The following PAFAH1B1 variants were observed in gnomAD, a reference collection of about 807,000 sequenced individuals.
PAFAH1B1 encodes the protein platelet activating factor acetylhydrolase 1b regulatory subunit 1, also known as platelet-activating factor acetylhydrolase IB subunit beta.
PAFAH1B1 carries 2 observed loss-of-function variants against 57.5 expected under a neutral mutation model. The observed-to-expected ratio is 0.03, with a 90% CI of 0.01 to 0.11. The LOEUF (loss-of-function observed/expected upper bound fraction) is 0.11. Ranked by LOEUF, PAFAH1B1 falls within the 10% of genes least tolerant of loss-of-function variation. The pLI, the probability that PAFAH1B1 is intolerant of heterozygous loss-of-function variation, is 1.00. For missense variants in PAFAH1B1, 257 were observed against 512.0 expected (o/e 0.50, Z 4.81); for synonymous variants, 152 against 169.6 (o/e 0.90, Z 0.81).
At chr17:2,651,140 T>G (rs983152533) in intron 2 of PAFAH1B1, among the ~76,000 whole-genome samples, 4 of 152,324 alleles carry the variant, frequency 2.6e-5, no homozygotes, top group Admixed American at 6.5e-5. Flanking sequence ...TGAGTCATTA[T>G]CCACATGCCG....
At chr17:2,662,378 T>TTGTGTGTG (rs57918293) in intron 2 of PAFAH1B1, among the ~76,000 whole-genome samples, 2,857 of 123,706 alleles carry the variant, frequency 0.023, 50 homozygotes, top group East Asian at 0.07. Context: ...TTTAACCTCT[T>TTGTGTGTG]TGTGTGTGTG....
At chr17:2,679,527 TGG>T (rs2069339763) in intron 9 of PAFAH1B1, among the ~76,000 whole-genome samples, 4 of 126,298 alleles carry the variant, frequency 3.2e-5, no homozygotes, top group African/African-American at 1.1e-4. Flanking sequence ...GATGGATGAT[TGG>T]ATGGATGGAT....
intron 4 of PAFAH1B1, 127 bp downstream of exon 4, chr17:2,666,217 G>A (rs1481274708): frequency 9.5e-6 from 9 of 949,278 alleles, no homozygotes; most frequent in Admixed American, 3.1e-5. Context: ...TACATTTTTT[G>A]TGCTTCATGA....
At chr17:2,656,853 C>T (rs1004743458) in intron 2 of PAFAH1B1, among the ~76,000 whole-genome samples, 1 of 138,522 alleles carries the variant, frequency 7.2e-6, no homozygotes, top group African/African-American at 2.5e-5. Flanking sequence ...CTTTTTCTTG[C>T]CTTGAATGTC....
Position 2,613,580 on chromosome 17 carries a change from G to A in PAFAH1B1, c.-191+19574G>A. On this transcript the variant is annotated intron_variant, in intron 1 of 10. Coordinates refer to ENST00000397195, the MANE Select transcript of PAFAH1B1 (RefSeq NM_000430.4). ...CAGCTTCAACCCCGTGGTGGTCAGC[G>A]GGTGCTCCCCCGTCAGCAGTGGCAG... 6 of 281,020 alleles carry A rather than the reference G, an allele frequency of 2.1e-5. 1 individual carries two copies. The highest frequency in any genetic ancestry group is 1.4e-4 in the Admixed American group (3 of 21,588). The allele number at this position is 281,020 out of a possible 1,614,324, so 17.4% of individuals were successfully genotyped here. A position where few individuals can be genotyped will look rare whatever the true frequency, so the allele number is the denominator to read the frequency against.
intron 2 of PAFAH1B1, among the ~76,000 whole-genome samples, chr17:2,661,286 T>G (rs2069009938): frequency 6.6e-6 from 1 of 152,204 alleles, no homozygotes; most frequent in Non-Finnish European, 1.5e-5. Flanking sequence ...AGGATTTTTA[T>G]GGTTTTGGGT....
intron 2 of PAFAH1B1, among the ~76,000 whole-genome samples, chr17:2,649,071 G>A (rs965035857): frequency 7.2e-5 from 11 of 151,808 alleles, no homozygotes; most frequent in Non-Finnish European, 4.4e-5. Flanking sequence ...AGGGCCAGGT[G>A]GGGGTGGCTC....
rs183914957 is a variant in PAFAH1B1, at chr17:2,625,420, T to C, written c.-190-12679T>C. Reference sequence around the variant, plus strand: ...CCCCCTTAAAATACATGCAATATTTTGTTTATTTTCATATGTGCTTCTTTG... The same window carrying C: ...CCCCCTTAAAATACATGCAATATTTCGTTTATTTTCATATGTGCTTCTTTG... On this transcript the variant is annotated intron_variant, in intron 1 of 10. Transcript: ENST00000397195. Among the ~76,000 whole-genome samples the C allele has an allele frequency of 3.2e-3, 483 of 152,378 alleles. 3 individuals carry two copies. Among genetic ancestry groups the C allele is most frequent in the Non-Finnish European group, 5.1e-3 (349 of 68,046 alleles).
At chr17:2,635,215 A>G (rs1351118025) in intron 1 of PAFAH1B1, among the ~76,000 whole-genome samples, 1 of 152,098 alleles carries the variant, frequency 6.6e-6, no homozygotes, top group Non-Finnish European at 1.5e-5. Flanking sequence ...ATTTAAGACA[A>G]TACGTAGCAC....
chr17:2,633,961 CTT>C (rs553588827), intron 1 of PAFAH1B1, among the ~76,000 whole-genome samples: 1,456 of 119,710 alleles, frequency 0.012, 25 homozygotes, highest in African/African-American at 0.045. Context: ...AGTACCAAAC[CTT>C]TTTTTTTTTT....
intron 2 of PAFAH1B1, among the ~76,000 whole-genome samples, chr17:2,645,376 T>G (rs2068753629): frequency 1.3e-5 from 2 of 151,960 alleles, no homozygotes; most frequent in South Asian, 2.1e-4. Context: ...GGCAGATCAC[T>G]TGAGGTCAGG....
chr17:2,673,511 C>T (rs1266976957), intron 7 of PAFAH1B1, among the ~76,000 whole-genome samples: 4 of 151,852 alleles, frequency 2.6e-5, no homozygotes, highest in Non-Finnish European at 5.9e-5. Context: ...TGGTGGCGGG[C>T]GCCTGTAGTC....
At chr17:2,667,929 C>T (rs2069130054) in intron 5 of PAFAH1B1, among the ~76,000 whole-genome samples, 2 of 151,964 alleles carry the variant, frequency 1.3e-5, no homozygotes, top group Non-Finnish European at 2.9e-5. Context: ...AAACCACCTA[C>T]AGAAAGATAA....
At position 2,638,113 on chromosome 17, in the gene PAFAH1B1, A is replaced by G. The variant is rs1458900424; in HGVS notation, c.-176A>G. On this transcript the variant is annotated 5_prime_UTR_variant, in exon 2 of 11. Coordinates refer to ENST00000397195, the MANE Select transcript of PAFAH1B1 (RefSeq NM_000430.4). ...TTTCTCCTTAGGTGGAATGAATCTT[A>G]CTTGTTGAATATCTTCTGGTTACTA... 5 of 550,384 alleles carry G rather than the reference A, an allele frequency of 9.1e-6. No homozygotes were observed. The Admixed American group carries it at 1.7e-4, about 19-fold the overall frequency. 34.1% of individuals were successfully genotyped at this position (550,384 alleles called of 1,614,324 possible). A position where few individuals can be genotyped will look rare whatever the true frequency, so the allele number is the denominator to read the frequency against.
At chr17:2,621,921 A>G (rs1330547120) in intron 1 of PAFAH1B1, among the ~76,000 whole-genome samples, 1 of 152,210 alleles carries the variant, frequency 6.6e-6, no homozygotes, top group Non-Finnish European at 1.5e-5. Flanking sequence ...GGGAGGCTTC[A>G]GAATCATGGC....
At chr17:2,628,951 T>C (rs2068524273) in intron 1 of PAFAH1B1, among the ~76,000 whole-genome samples, 1 of 152,222 alleles carries the variant, frequency 6.6e-6, no homozygotes, top group Non-Finnish European at 1.5e-5. Context: ...GTTTCATTTC[T>C]TAGTGAGGTT....
At chr17:2,638,067 A>G (rs1453877854) in intron 1 of PAFAH1B1, 32 bp from the exon 2 acceptor site, 8 of 490,984 alleles carry the variant, frequency 1.6e-5, no homozygotes, top group Non-Finnish European at 2.5e-5. Flanking sequence ...TTTAAGTGAA[A>G]TAATCTTTTT....
chr17:2,665,156 T>C (rs1017641141), intron 2 of PAFAH1B1, among the ~76,000 whole-genome samples: 3 of 152,096 alleles, frequency 2.0e-5, no homozygotes, highest in Non-Finnish European at 4.4e-5. Context: ...GAAAAACTTA[T>C]AACTAAGAAT....
intron 2 of PAFAH1B1, among the ~76,000 whole-genome samples, chr17:2,651,930 T>C (rs1234047761): frequency 6.6e-6 from 1 of 152,224 alleles, no homozygotes; most frequent in African/African-American, 2.4e-5. Flanking sequence ...CCTAATGTTA[T>C]ATATCCATCA....
Sources: allele counts gnomAD v4.1 joint callset (sites outside exome capture counted in the v4.1 genomes callset), GRCh38; gene constraint gnomAD v4.1.1; transcripts MANE v1.5; gene names NCBI Gene and HGNC (gene_info 2026-07-23, HGNC 2026-07-21).